TMEM222: variants seen among roughly 807,000 people sequenced by gnomAD.
TMEM222 encodes the protein chromosome 1 open reading frame 160.
TMEM222 carries 18 observed loss-of-function variants against 25.1 expected under a neutral mutation model. That is an observed-to-expected ratio of 0.72 (90% CI 0.50 to 1.06). The LOEUF (loss-of-function observed/expected upper bound fraction) is 1.06, where lower values mean the gene tolerates loss of function less well. TMEM222 is among the 50% of genes least tolerant of loss of function. The pLI, the probability that TMEM222 is intolerant of heterozygous loss-of-function variation, is 0.00. For synonymous variants in TMEM222, 131 were observed against 117.9 expected (o/e 1.11, Z -0.72); for missense variants, 296 against 293.7 (o/e 1.01, Z -0.06).
chr1:27,335,291 A>C lies in TMEM222; in HGVS notation c.540-88A>C. ...GGTTTTCCTTAGGGATGGCAGCCCT[A>C]TTGGGGTCTGTGGGTGCTCAGGGCT... On this transcript the variant is annotated intron_variant, in intron 5 of 5. Transcript: ENST00000374076. The C allele has an allele frequency of 2.2e-6, 3 of 1,334,354 alleles. No individual in the cohort carries two copies. The Admixed American group carries it at 5.1e-5, about 23-fold the overall frequency. The allele number at this position is 1,334,354 out of a possible 1,614,324, so 82.7% of individuals were successfully genotyped here. A position where few individuals can be genotyped will look rare whatever the true frequency, so the allele number is the denominator to read the frequency against.
chr1:27,335,549 C>A lies in TMEM222; in HGVS notation c.*83C>A. Reference sequence around the variant, plus strand: ...TTGGTTCCAGATTTTTTTCTCCTCACCCCAAAAGGCAGGGTTGGGCCTGCT... The same window carrying A: ...TTGGTTCCAGATTTTTTTCTCCTCAACCCAAAAGGCAGGGTTGGGCCTGCT... On this transcript the variant is annotated 3_prime_UTR_variant, in exon 6 of 6. Transcript: ENST00000374076. 1 of 1,399,168 alleles carries A rather than the reference C, an allele frequency of 7.1e-7. No individual in the cohort carries two copies. The highest frequency in any genetic ancestry group is 1.0e-6 in the Non-Finnish European group (1 of 996,822). 86.7% of individuals were successfully genotyped at this position (1,399,168 alleles called of 1,614,324 possible).
intron 1 of TMEM222, chr1:27,325,859 C>A: frequency 1.3e-6 from 1 of 772,508 alleles, no homozygotes. Context: ...TAAATTGGCC[C>A]TGGCAAATGC....
intron 2 of TMEM222, chr1:27,331,181 C>T (rs1230884507): frequency 2.7e-6 from 3 of 1,105,298 alleles, no homozygotes; most frequent in East Asian, 7.4e-5. Flanking sequence ...ATTCGGTTCC[C>T]TGGGTGTGGC....
rs751247346 is a variant in TMEM222 at position 27,322,342 on chromosome 1, C to T, written c.145C>T (p.Arg49Trp). The change falls in exon 1 of 6, where the codon CGG becomes TGG. Residue 49 changes from arginine (R) to tryptophan (W), a missense_variant. By Grantham distance (101) the Arg-to-Trp change is moderately radical. Coordinates refer to ENST00000374076, the MANE Select transcript of TMEM222 (RefSeq NM_032125.3). ...CGGCGGCGTCGCCATGGATGTGGAA[C>T]GGAGTCGCTTCCCCTACTGCGTGGT... ...GSGGVAMDVE[R>W]SRFPYCVVWT... 1.3e-6 allele frequency: 2 copies of T among 1,533,950 alleles called. No individual in the cohort carries two copies. The highest frequency in any genetic ancestry group is 3.9e-5 in the Admixed American group (2 of 51,226).
rs200007381 is a variant in TMEM222, at chr1:27,322,282, G to A, written c.85G>A (p.Ala29Thr). The A allele has an allele frequency of 3.2e-5, 50 of 1,551,836 alleles. No individual in the cohort carries two copies. The East Asian group carries it at 1.2e-3, about 38-fold the overall frequency. ...PRMAEVEAPT[A>T]AETDMKQYQG... ...GATGGCGGAAGTGGAGGCGCCGACG[G>A]CGGCCGAGACGGACATGAAGCAATA... Residue 29 changes from alanine to threonine, a missense_variant, in exon 1 of 6, where the codon GCG becomes ACG. Physicochemically the swap from Ala to Thr is moderately conservative, Grantham distance 58 (BLOSUM62 0). Coordinates refer to ENST00000374076, the MANE Select transcript of TMEM222 (RefSeq NM_032125.3).
Position 27,335,700 on chromosome 1 carries a change from C to T in TMEM222, c.*234C>T. On this transcript the variant is annotated 3_prime_UTR_variant, in exon 6 of 6. Coordinates refer to ENST00000374076, the MANE Select transcript of TMEM222 (RefSeq NM_032125.3). Reference sequence around the variant, plus strand: ...TCCTCCCCAGGCCTGTGACTCCGGCCCTGGAAGCCCCTTTGTTCTTCTGTT... The same window carrying T: ...TCCTCCCCAGGCCTGTGACTCCGGCTCTGGAAGCCCCTTTGTTCTTCTGTT... The T allele has an allele frequency of 3.5e-6, 2 of 569,564 alleles. No homozygotes were observed. Among genetic ancestry groups the T allele is most frequent in the Non-Finnish European group, 3.1e-6 (1 of 317,666 alleles). The allele number at this position is 569,564 out of a possible 1,614,324, so 35.3% of individuals were successfully genotyped here.
chr1:27,334,774 C>A, intron 5 of TMEM222: 1 of 1,143,996 alleles, frequency 8.7e-7, no homozygotes, highest in Non-Finnish European at 1.1e-6. Flanking sequence ...GATCTGGCCG[C>A]CTCTCCAAGC....
At chr1:27,333,927 G>T (rs767755558) in intron 3 of TMEM222, 31 bp from the exon 4 acceptor site, 2 of 1,600,178 alleles carry the variant, frequency 1.2e-6, no homozygotes, top group African/African-American at 2.7e-5. Flanking sequence ...AAGGAGCCAA[G>T]CAAGTGTCCA....
At chr1:27,333,674 C>T (rs139498854) in intron 3 of TMEM222, 1,098 of 468,978 alleles carry the variant, frequency 2.3e-3, no homozygotes, top group Admixed American at 3.5e-3. Context: ...CTCCTCATAC[C>T]ATCACCTTGA....
chr1:27,325,980 AC>A (rs1214381635), intron 1 of TMEM222, among the ~76,000 whole-genome samples: 1 of 152,162 alleles, frequency 6.6e-6, no homozygotes, highest in Non-Finnish European at 1.5e-5. Flanking sequence ...GCTGATTTTG[AC>A]CTTGTATTCA....
intron 2 of TMEM222, 62 bp downstream of exon 2, chr1:27,330,866 TG>T: frequency 1.2e-6 from 2 of 1,602,164 alleles, no homozygotes; most frequent in Non-Finnish European, 1.7e-6. Context: ...TGTCCTGTCT[TG>T]CCTGCAGGCA....
chr1:27,331,296 C>T (rs929113382), intron 2 of TMEM222, among the ~76,000 whole-genome samples: 1 of 152,126 alleles, frequency 6.6e-6, no homozygotes, highest in Admixed American at 6.6e-5. Context: ...AGCAGAGGAG[C>T]ATGCATCATC....
intron 2 of TMEM222, among the ~76,000 whole-genome samples, chr1:27,331,782 A>G (rs1309982110): frequency 6.6e-6 from 1 of 152,242 alleles, no homozygotes; most frequent in East Asian, 1.9e-4. Context: ...AGAGAGGGCA[A>G]GAGAATTCCT....
In TMEM222 at chr1:27,335,391, CGTGAA is replaced by C; in HGVS notation, c.554_558del (p.Val185AspfsTer20). On this transcript the variant is annotated frameshift_variant, in exon 6 of 6. Transcript: ENST00000374076. LOFTEE classifies it high-confidence loss of function. Reference sequence around the variant, plus strand: ...TTCTCTCTGTCAGCGTTGGGGCCTTCGTGAAGACCTGGCTGCCCTTCATCCTTCTC... The same window carrying C: ...TTCTCTCTGTCAGCGTTGGGGCCTTCGACCTGGCTGCCCTTCATCCTTCTC... 2 of 1,614,206 alleles carry C rather than the reference CGTGAA, an allele frequency of 1.2e-6. No individual in the cohort carries two copies. The highest frequency in any genetic ancestry group is 1.7e-6 in the Non-Finnish European group (2 of 1,180,030).
Position 27,335,501 on chromosome 1 carries a change from C to T in TMEM222, c.*35C>T, listed in dbSNP as rs778661044. 24 of 1,601,584 alleles carry T rather than the reference C, an allele frequency of 1.5e-5. No homozygotes were observed. The highest frequency in any genetic ancestry group is 2.2e-5 in the East Asian group (1 of 44,844). On this transcript the variant is annotated 3_prime_UTR_variant, in exon 6 of 6. Transcript: ENST00000374076. ...GGTGGCCCCACACCCACCAGGGTCC[C>T]GAGGAAACAGCCGCCATCCCTTTTG... is the stretch of plus-strand genomic sequence containing the variant.
intron 1 of TMEM222, chr1:27,325,880 T>C (rs1006510684): frequency 5.3e-6 from 4 of 752,476 alleles, no homozygotes; most frequent in Non-Finnish European, 7.4e-6. Context: ...ATATACCTCA[T>C]GCTAGCCTCA....
chr1:27,326,118 G>A (rs2014344109), intron 1 of TMEM222, among the ~76,000 whole-genome samples: 1 of 152,206 alleles, frequency 6.6e-6, no homozygotes, highest in Non-Finnish European at 1.5e-5. Flanking sequence ...AGTGCGACTT[G>A]GTGAGTCTGC....
At chr1:27,325,480 C>T in intron 1 of TMEM222, 1 of 1,444,346 alleles carries the variant, frequency 6.9e-7, no homozygotes, top group Middle Eastern at 1.7e-4. Context: ...GGTATGGAAT[C>T]TTGCGGCATC....
intron 3 of TMEM222, chr1:27,333,599 A>G (rs2014533314): frequency 4.7e-5 from 19 of 404,108 alleles, no homozygotes; most frequent in Middle Eastern, 8.3e-4. Context: ...CTCTTTTATA[A>G]GGACACGGAT....
Sources: allele counts gnomAD v4.1 joint callset (sites outside exome capture counted in the v4.1 genomes callset), GRCh38; gene constraint gnomAD v4.1.1; transcripts MANE v1.5; gene names NCBI Gene and HGNC (gene_info 2026-07-23, HGNC 2026-07-21).